Variants in NUFIP1 observed in about 807,000 individuals in gnomAD.
NUFIP1 encodes the protein FMR1-interacting protein NUFIP1.
Under a neutral mutation model 56.2 loss-of-function variants are expected in NUFIP1, and 38 were observed. The ratio of observed to expected loss-of-function variants is 0.68; its 90% CI spans 0.52 to 0.89. The LOEUF (loss-of-function observed/expected upper bound fraction) is 0.89. NUFIP1 is among the 40% of genes least tolerant of loss of function. NUFIP1 has a pLI of 0.00. For missense variants in NUFIP1, 567 were observed against 605.8 expected (o/e 0.94, Z 0.67); for synonymous variants, 215 against 212.4 (o/e 1.01, Z -0.10).
chr13:44,949,656 C>A (rs529665580), intron 8 of NUFIP1, 66 bp downstream of exon 8: 3 of 891,490 alleles, frequency 3.4e-6, no homozygotes, highest in East Asian at 5.0e-5. Flanking sequence ...GTTATTAATG[C>A]GCAGCATGCA....
rs181607382 is a variant in NUFIP1, at chr13:44,983,123, G to A, written c.413-969C>T. Among the ~76,000 whole-genome samples the A allele has an allele frequency of 3.0e-3, 456 of 152,198 alleles. 2 individuals carry two copies. The highest frequency in any genetic ancestry group is 9.7e-3 in the African/African-American group (404 of 41,538). ...GCCTGCCTCAGCCTCCAAAGTCCTG[G>A]GACTGCAAGCGTGAGCCACCATGCC... On this transcript the variant is annotated intron_variant, in intron 1 of 9. Transcript: ENST00000379161.
chr13:44,962,440 C>T (rs1871455628), intron 6 of NUFIP1, among the ~76,000 whole-genome samples: 1 of 152,176 alleles, frequency 6.6e-6, no homozygotes, highest in Non-Finnish European at 1.5e-5. Flanking sequence ...ATCTTCATTA[C>T]TCGAGCTTTC....
chr13:44,988,932 C>T, intron 1 of NUFIP1, 93 bp downstream of exon 1: 2 of 1,307,670 alleles, frequency 1.5e-6, no homozygotes, highest in Non-Finnish European at 2.1e-6. Flanking sequence ...AGTGCAGAGG[C>T]AAGGCAGAGT....
chr13:44,984,959 G>A (rs995390919), intron 1 of NUFIP1, among the ~76,000 whole-genome samples: 4 of 152,150 alleles, frequency 2.6e-5, no homozygotes, highest in African/African-American at 9.7e-5. Flanking sequence ...AACATGTGGT[G>A]TTTGGTTTTC....
At chr13:44,986,538 A>C (rs1275008023) in intron 1 of NUFIP1, among the ~76,000 whole-genome samples, 2 of 151,968 alleles carry the variant, frequency 1.3e-5, no homozygotes, top group African/African-American at 4.8e-5. Context: ...AAAAATACAA[A>C]AAAATCAGCC....
At chr13:44,971,238 T>G (rs761720796) in intron 5 of NUFIP1, among the ~76,000 whole-genome samples, 3 of 152,132 alleles carry the variant, frequency 2.0e-5, no homozygotes, top group Non-Finnish European at 4.4e-5. Context: ...CAGGTATAAA[T>G]AAACTTCATC....
chr13:44,961,757 T>C (rs1405444518), intron 6 of NUFIP1, among the ~76,000 whole-genome samples: 4 of 152,220 alleles, frequency 2.6e-5, no homozygotes, highest in Non-Finnish European at 5.9e-5. Context: ...GATGCCACTT[T>C]CTTTGAGCTC....
intron 7 of NUFIP1, among the ~76,000 whole-genome samples, chr13:44,955,036 GACAACTGACTT>G: frequency 1.3e-5 from 2 of 152,268 alleles, no homozygotes; most frequent in Non-Finnish European, 1.5e-5. Flanking sequence ...TCCTAGCTGA[GACAACTGACTT>G]ACTGTTTAAA....
At chr13:44,981,401 A>T (rs900883870) in intron 2 of NUFIP1, among the ~76,000 whole-genome samples, 1 of 152,022 alleles carries the variant, frequency 6.6e-6, no homozygotes, top group Non-Finnish European at 1.5e-5. Flanking sequence ...CTAACCGACT[A>T]TTTATGTTAT....
chr13:44,989,127 G>C lies in NUFIP1; in HGVS notation c.310C>G (p.Gln104Glu), dbSNP rs368649536. 4 of 1,614,062 alleles carry C rather than the reference G, an allele frequency of 2.5e-6. No individual in the cohort carries two copies. The African/African-American group carries it at 5.3e-5, about 22-fold the overall frequency. Residue 104 changes from glutamine to glutamate, a missense_variant, in exon 1 of 10, where the codon CAA (glutamine) becomes GAA (glutamate). Physicochemically the swap from Gln to Glu is conservative, Grantham distance 29. Transcript: ENST00000379161. Reference protein sequence around the residue: ...DAQSPLDSQPQPSGQPWNFHA... With the variant: ...DAQSPLDSQPEPSGQPWNFHA... The stretch of plus-strand genomic sequence containing the variant: ...AAATTCCAAGGCTGGCCGCTGGGTT[G>C]AGGCTGAGAATCAAGGGGAGACTGG...
At position 44,955,866 on chromosome 13, in the gene NUFIP1, G is replaced by A. The variant is rs369796037; in HGVS notation, c.1021+3515C>T. ...CACAAAAGAATCTCATATTTTGGCCGGGCGCGGTGGCTCACGCCTGTAATC... is the reference window on the plus strand; with the variant it reads ...CACAAAAGAATCTCATATTTTGGCCAGGCGCGGTGGCTCACGCCTGTAATC... On this transcript the variant is annotated intron_variant, in intron 7 of 9. Coordinates refer to ENST00000379161, the MANE Select transcript of NUFIP1 (RefSeq NM_012345.3). Among the ~76,000 whole-genome samples the A allele has an allele frequency of 7.9e-5, 12 of 151,856 alleles. No individual in the cohort carries two copies. In the East Asian group the frequency reaches 9.6e-4, roughly 12 times the overall value.
intron 6 of NUFIP1, among the ~76,000 whole-genome samples, chr13:44,960,219 T>C (rs1871377643): frequency 6.6e-6 from 1 of 151,780 alleles, no homozygotes; most frequent in African/African-American, 2.4e-5. Flanking sequence ...TGTGAGCCAC[T>C]GTGCCCAGCT....
At chr13:44,976,220 T>A (rs1358961229) in intron 5 of NUFIP1, among the ~76,000 whole-genome samples, 1 of 152,140 alleles carries the variant, frequency 6.6e-6, no homozygotes. Flanking sequence ...CTTTATAATG[T>A]ACATATCAGA....
chr13:44,955,312 G>A (rs1476582849), intron 7 of NUFIP1, among the ~76,000 whole-genome samples: 3 of 152,140 alleles, frequency 2.0e-5, no homozygotes, highest in African/African-American at 7.2e-5. Flanking sequence ...TCAAAACAAT[G>A]TCAATTCTCA....
intron 7 of NUFIP1, among the ~76,000 whole-genome samples, chr13:44,957,990 GCTCT>G (rs901176130): frequency 1.6e-4 from 24 of 152,300 alleles, no homozygotes; most frequent in East Asian, 5.8e-4. Context: ...AAGCATGTGA[GCTCT>G]CTCTAAAATT....
At chr13:44,988,433 GAC>G (rs549189980) in intron 1 of NUFIP1, among the ~76,000 whole-genome samples, 124 of 151,766 alleles carry the variant, frequency 8.2e-4, no homozygotes, top group African/African-American at 2.7e-3. Flanking sequence ...CAGCCTGGGC[GAC>G]AGAGCGACAC....
At chr13:44,951,427 A>G (rs773337530) in intron 7 of NUFIP1, among the ~76,000 whole-genome samples, 2 of 152,248 alleles carry the variant, frequency 1.3e-5, no homozygotes, top group Admixed American at 6.5e-5. Flanking sequence ...ACTATAAATC[A>G]GTTGGGTCAA....
chr13:44,956,067 C>A (rs965948229), intron 7 of NUFIP1, among the ~76,000 whole-genome samples: 3 of 150,464 alleles, frequency 2.0e-5, no homozygotes, highest in African/African-American at 7.4e-5. Flanking sequence ...GGTGTGAACC[C>A]CAGGGGGCAG....
intron 7 of NUFIP1, among the ~76,000 whole-genome samples, chr13:44,952,945 G>A (rs1339810363): frequency 6.6e-6 from 1 of 152,028 alleles, no homozygotes; most frequent in African/African-American, 2.4e-5. Context: ...ATGTCCCTCA[G>A]TTTGGGTCTG....
Sources: gnomAD v4.1 joint callset for allele counts (sites outside exome capture counted in the v4.1 genomes callset) on GRCh38, gnomAD v4.1.1 for gene constraint, MANE v1.5 for transcripts, NCBI Gene and HGNC (gene_info 2026-07-23, HGNC 2026-07-21) for gene names.